Variants in PDE1C observed in about 807,000 individuals in gnomAD.
PDE1C encodes the protein phosphodiesterase 1C.
In PDE1C, 62 loss-of-function variants were observed where a neutral mutation model predicts 93.1. The ratio of observed to expected loss-of-function variants is 0.67; its 90% confidence interval spans 0.54 to 0.82. The LOEUF (loss-of-function observed/expected upper bound fraction) is 0.82, where lower values mean the gene tolerates loss of function less well. Ranked by LOEUF, PDE1C falls within the 40% of genes least tolerant of loss-of-function variation. PDE1C has a pLI of 0.00. For missense variants in PDE1C, 742 were observed against 884.6 expected (o/e 0.84, Z 2.04); for synonymous variants, 325 against 310.1 (o/e 1.05, Z -0.50).
intron 2 of PDE1C, among the ~76,000 whole-genome samples, chr7:31,906,310 A>G (rs1432575246): frequency 3.3e-5 from 5 of 152,204 alleles, no homozygotes; most frequent in African/African-American, 4.8e-5. Flanking sequence ...TAATAACATG[A>G]GATCCAATTA....
chr7:31,699,312 T>C, the PDE1C span, among the ~76,000 whole-genome samples: 1 of 152,134 alleles, frequency 6.6e-6, no homozygotes, highest in Admixed American at 6.5e-5. Context: ...CACTGGGACA[T>C]GAAGGGTAAT....
the PDE1C span, among the ~76,000 whole-genome samples, chr7:31,632,824 G>A: frequency 8.5e-5 from 13 of 152,158 alleles, no homozygotes; most frequent in Admixed American, 2.6e-4. Context: ...TGAAAAGCCT[G>A]CCCTGTGAGA....
chr7:31,890,634 C>A (rs1286369387), intron 2 of PDE1C, among the ~76,000 whole-genome samples: 1 of 152,150 alleles, frequency 6.6e-6, no homozygotes, highest in Admixed American at 6.5e-5. Flanking sequence ...TTCTACCATA[C>A]TACAAATATA....
chr7:32,140,484 C>A (rs1335896125), intron 3 of PDE1C, among the ~76,000 whole-genome samples: 1 of 152,198 alleles, frequency 6.6e-6, no homozygotes, highest in African/African-American at 2.4e-5. Flanking sequence ...CCTAGATGAT[C>A]TCATCCAACT....
chr7:32,309,835 G>A lies in PDE1C; in HGVS notation c.311-100296C>T, dbSNP rs185112954. On this transcript the variant is annotated intron_variant, in intron 1 of 1. Transcript: ENST00000672256. ...GACCATCAAGGCTAGGAAGAAACTG[G>A]ATCAACTAACAAGCAAAATAACCAG... Among the ~76,000 whole-genome samples, 99 of 152,198 alleles carry A rather than the reference G, an allele frequency of 6.5e-4. 1 individual carries two copies. The highest frequency in any genetic ancestry group is 2.2e-3 in the African/African-American group (92 of 41,512).
At chr7:32,422,864 G>GTTGCAAA (rs1216986272) in intron 1 of PDE1C, among the ~76,000 whole-genome samples, 2 of 152,146 alleles carry the variant, frequency 1.3e-5, no homozygotes, top group African/African-American at 4.8e-5. Flanking sequence ...AAGGGCTAGG[G>GTTGCAAA]AGGTGAAGGA....
intron 3 of PDE1C, among the ~76,000 whole-genome samples, chr7:32,153,680 C>G (rs1281186545): frequency 6.6e-6 from 1 of 152,142 alleles, no homozygotes; most frequent in Non-Finnish European, 1.5e-5. Context: ...GAAATCTGAA[C>G]AGGATAGAGC....
At chr7:31,823,491 C>T (rs1789259218) in intron 13 of PDE1C, among the ~76,000 whole-genome samples, 1 of 151,954 alleles carries the variant, frequency 6.6e-6, no homozygotes, top group Non-Finnish European at 1.5e-5. Context: ...TTCTTCTTTG[C>T]TATTTGGCCT....
chr7:31,891,384 T>A (rs1798615732), intron 2 of PDE1C, among the ~76,000 whole-genome samples: 1 of 152,154 alleles, frequency 6.6e-6, no homozygotes, highest in African/African-American at 2.4e-5. Flanking sequence ...TCACCAATAC[T>A]TGTTTTTTCC....
upstream of PDE1C, chr7:32,070,545 C>T: frequency 6.8e-7 from 1 of 1,468,556 alleles, no homozygotes; most frequent in Non-Finnish European, 9.0e-7. Context: ...CCCCCAGACT[C>T]CGACTTAGAG....
At chr7:32,199,308 T>C (rs569614104) in intron 2 of PDE1C, among the ~76,000 whole-genome samples, 23 of 152,288 alleles carry the variant, frequency 1.5e-4, no homozygotes, top group Non-Finnish European at 2.9e-4. Context: ...AATTCATTAG[T>C]CTGAGGATTC....
At chr7:31,871,598 G>GA (rs1186505899) in intron 6 of PDE1C, among the ~76,000 whole-genome samples, 1 of 150,618 alleles carries the variant, frequency 6.6e-6, no homozygotes, top group Non-Finnish European at 1.5e-5. Flanking sequence ...ATGGGTACAT[G>GA]AAAAAAATGC....
At chr7:31,852,363 C>T (rs532572130) in intron 7 of PDE1C, among the ~76,000 whole-genome samples, 14 of 151,952 alleles carry the variant, frequency 9.2e-5, no homozygotes, top group East Asian at 1.9e-4. Context: ...TTGAGGTACA[C>T]GGAACAGAAA....
chr7:31,832,697 T>C (rs540094148), intron 11 of PDE1C, among the ~76,000 whole-genome samples: 5 of 152,188 alleles, frequency 3.3e-5, no homozygotes, highest in Non-Finnish European at 7.3e-5. Context: ...TACTAAAAAA[T>C]AGTTCCAGTC....
intron 16 of PDE1C, chr7:31,790,386 T>G (rs1784444424): frequency 1.4e-6 from 1 of 716,746 alleles, no homozygotes; most frequent in Non-Finnish European, 2.4e-6. Flanking sequence ...ATTAAACATT[T>G]CCATACTGGT....
At chr7:32,357,182 A>G (rs1411949709) in intron 1 of PDE1C, among the ~76,000 whole-genome samples, 6 of 152,106 alleles carry the variant, frequency 3.9e-5, no homozygotes, top group Admixed American at 2.0e-4. Flanking sequence ...AATACAAAAA[A>G]AATTAGCCGG....
intron 2 of PDE1C, among the ~76,000 whole-genome samples, chr7:32,205,821 T>G (rs1360276442): frequency 1.3e-5 from 2 of 152,038 alleles, no homozygotes; most frequent in Admixed American, 6.6e-5. Context: ...GTAACAGTCA[T>G]TGCCAAGGTC....
rs183730706 is a variant in PDE1C, at chr7:31,830,081, T to A, written c.1204-1708A>T. The stretch of plus-strand genomic sequence containing the variant: ...TTCCACGAACTTGTCTATACCCAAA[T>A]ATACACATAATTTACATGCTTTGTA... On this transcript the variant is annotated intron_variant, in intron 11 of 17. Coordinates refer to ENST00000396191, the MANE Select transcript of PDE1C (RefSeq NM_001191057.4). Among the ~76,000 whole-genome samples the A allele has an allele frequency of 5.4e-3, 822 of 152,214 alleles. 6 individuals carry two copies. The highest frequency in any genetic ancestry group is 6.3e-3 in the Non-Finnish European group (428 of 68,012).
chr7:31,687,687 T>C, the PDE1C span, among the ~76,000 whole-genome samples: 1 of 152,214 alleles, frequency 6.6e-6, no homozygotes, highest in African/African-American at 2.4e-5. Context: ...ATACTGCCAA[T>C]TTAGGTTTTC....
Sources: gnomAD v4.1 joint callset for allele counts (sites outside exome capture counted in the v4.1 genomes callset) on GRCh38, gnomAD v4.1.1 for gene constraint, MANE v1.5 for transcripts, NCBI Gene and HGNC (gene_info 2026-07-23, HGNC 2026-07-21) for gene names.